Variants in PRODH2 observed in about 807,000 individuals in gnomAD.
PRODH2 encodes hydroxyproline dehydrogenase.
PRODH2 carries 49 observed loss-of-function variants against 51.9 expected under a neutral mutation model. The ratio of observed to expected loss-of-function variants is 0.94; its 90% CI spans 0.75 to 1.20. The LOEUF (loss-of-function observed/expected upper bound fraction) is 1.20, where lower values mean the gene tolerates loss of function less well. Ranked by LOEUF, PRODH2 falls within the 50% of genes most tolerant of loss-of-function variation. The pLI, the probability that PRODH2 is intolerant of heterozygous loss-of-function variation, is 0.00. For missense variants in PRODH2, 597 were observed against 610.9 expected, an observed-to-expected ratio of 0.98 and a Z score of 0.24; for synonymous variants, 249 against 260.7, an observed-to-expected ratio of 0.96 and a Z score of 0.43.
At chr19:35,807,319 T>C (rs574975966) in intron 4 of PRODH2, among the ~76,000 whole-genome samples, 198 bp from the exon 5 acceptor site, 46 of 152,302 alleles carry the variant, frequency 3.0e-4, no homozygotes, top group African/African-American at 1.1e-3. Flanking sequence ...TGTTTGTTTT[T>C]TGAAACAGAG....
At position 35,806,508 on chromosome 19, in the gene PRODH2, A is replaced by C; in HGVS notation, c.923T>G (p.Leu308Arg). 1.2e-6 allele frequency: 2 copies of C among 1,614,108 alleles called. No homozygotes were observed. Among genetic ancestry groups the C allele is most frequent in the Non-Finnish European group, 1.7e-6 (2 of 1,180,010 alleles). ...FGVKLVRGAY[L>R]DKERAVAQLH... ...CTGGGCCACCGCTCTCTCCTTGTCC[A>C]GATATGCACCTCGTACCAGCTTCAC... is the stretch of plus-strand genomic sequence containing the variant. The change falls in exon 7 of 10, where the codon CTG becomes CGG. Residue 308 changes from leucine (L) to arginine (R), a missense_variant. Physicochemically the swap from Leu to Arg is moderately radical, Grantham distance 102. Transcript: ENST00000653904.
chr19:35,810,767 C>T (rs543322596), intron 4 of PRODH2, among the ~76,000 whole-genome samples: 5 of 152,078 alleles, frequency 3.3e-5, no homozygotes, highest in East Asian at 1.9e-4. Flanking sequence ...GTAATCCATC[C>T]GCCTCAGCCT....
chr19:35,806,901 G>C (rs757061937), intron 5 of PRODH2, 71 bp from the exon 6 acceptor site: 2 of 1,550,858 alleles, frequency 1.3e-6, no homozygotes, highest in Non-Finnish European at 1.7e-6. Context: ...ATCCCAGCAG[G>C]AGGGGTTACC....
chr19:35,812,486 C>G lies in PRODH2; in HGVS notation c.245G>C (p.Gly82Ala), dbSNP rs779161688. 6.2e-7 allele frequency: 1 copy of G among 1,614,248 alleles called. No homozygotes were observed. The highest frequency in any genetic ancestry group is 1.1e-5 in the South Asian group (1 of 91,092). The change falls in exon 2 of 10, where the codon GGG becomes GCG. Residue 82 changes from glycine (G) to alanine (A), a missense_variant. Coordinates refer to ENST00000653904, the MANE Select transcript of PRODH2 (RefSeq NM_021232.2). Reference protein sequence around the residue: ...SGAFLRASVYGQFVAGETAEE... With the variant: ...SGAFLRASVYAQFVAGETAEE... ...TGCTGTCTCACCAGCCACAAACTGC[C>G]CATAGACGGATGCTCGGAGAAATGC... is the stretch of plus-strand genomic sequence containing the variant.
In PRODH2 at chr19:35,812,573, G is replaced by A. The variant is rs374218009; in HGVS notation, c.175-17C>T. The A allele has an allele frequency of 2.0e-5, 33 of 1,611,598 alleles. No homozygotes were observed. Among genetic ancestry groups the A allele is most frequent in the Non-Finnish European group, 2.2e-5 (26 of 1,178,504 alleles). On this transcript the variant is annotated splice_polypyrimidine_tract_variant and intron_variant, in intron 1 of 9. Transcript: ENST00000653904. ...GGCCTGGAGCTGGGTGACAGGGAGC[G>A]AGGGCTCAGCGCCAGGCTATGAGGA...
At chr19:35,808,814 T>TCCTTC (rs35586715) in intron 4 of PRODH2, among the ~76,000 whole-genome samples, 1 of 125,968 alleles carries the variant, frequency 7.9e-6, no homozygotes. Context: ...CCTTCCTTCT[T>TCCTTC]TTTTTTTTTT....
At chr19:35,803,534 C>T (rs147840440) in intron 7 of PRODH2, among the ~76,000 whole-genome samples, 128 of 152,312 alleles carry the variant, frequency 8.4e-4, no homozygotes, top group African/African-American at 2.6e-3. Context: ...GGATTACAGG[C>T]GTGAGCCACC....
Position 35,800,041 on chromosome 19 carries a change from G to C in PRODH2, c.1380C>G (p.His460Gln), listed in dbSNP as rs1972392738. 6.2e-7 allele frequency: 1 copy of C among 1,610,348 alleles called. No homozygotes were observed. Among genetic ancestry groups the C allele is most frequent in the African/African-American group, 1.3e-5 (1 of 74,852 alleles). Reference protein sequence around the residue: ...RLLPGCRRIPH With the variant: ...RLLPGCRRIPQ The stretch of plus-strand genomic sequence containing the variant: ...CCACATGACCCCCTCAGGGGTGCTA[G>C]TGGGGTATCCTTCGGCATCCTGGCA... The change falls in exon 10 of 10, where the codon CAC (histidine) becomes CAG (glutamine). Residue 460 changes from histidine to glutamine, a missense_variant. Transcript: ENST00000653904.
In PRODH2 at chr19:35,802,178, G is replaced by A. The variant is rs1454829296; in HGVS notation, c.1198+13C>T. 12 of 1,612,586 alleles carry A rather than the reference G, an allele frequency of 7.4e-6. No individual in the cohort carries two copies. Among genetic ancestry groups the A allele is most frequent in the Non-Finnish European group, 1.0e-5 (12 of 1,178,850 alleles). On this transcript the variant is annotated intron_variant, in intron 9 of 9. Transcript: ENST00000653904. ...CCTGGGGCTTGATGGGGGTGGGGGA[G>A]CCATTCACATACCCAGTGCTAGAGA...
chr19:35,801,898 G>A (rs888379194), intron 9 of PRODH2: 24 of 376,906 alleles, frequency 6.4e-5, no homozygotes, highest in Non-Finnish European at 9.7e-5. Context: ...AAGTGATTTC[G>A]TTCTGCTTAG....
Position 35,806,671 on chromosome 19 carries a change from A to C in PRODH2, c.834+4T>G, listed in dbSNP as rs752436705. 1 of 1,613,960 alleles carries C rather than the reference A, an allele frequency of 6.2e-7. No individual in the cohort carries two copies. Among genetic ancestry groups the C allele is most frequent in the East Asian group, 2.2e-5 (1 of 44,878 alleles). On this transcript the variant is annotated splice_donor_region_variant and intron_variant, in intron 6 of 9. Transcript: ENST00000653904. ...GCCTGTACCTCCTGGAACACACTGC[A>C]CACCTTTAGACAGGCCTGGTAGGTG...
In PRODH2 at chr19:35,800,075, C is replaced by G. The variant is rs3761097; in HGVS notation, c.1346G>C (p.Arg449Pro). ...EQELLSQELW[R>P]RLLPGCRRIP... is the part of the protein sequence containing the mutation. ...CCTTCGGCATCCTGGCAGCAGCCGCCGCCACAGTTCTTGGCTGAGCAGCTC... is the reference window on the plus strand; with the variant it reads ...CCTTCGGCATCCTGGCAGCAGCCGCGGCCACAGTTCTTGGCTGAGCAGCTC... Residue 449 changes from arginine (R) to proline (P), a missense_variant, in exon 10 of 10, where the codon CGG becomes CCG. Coordinates refer to ENST00000653904, the MANE Select transcript of PRODH2 (RefSeq NM_021232.2). 13 of 1,611,996 alleles carry G rather than the reference C, an allele frequency of 8.1e-6. No individual in the cohort carries two copies. The highest frequency in any genetic ancestry group is 1.1e-5 in the Non-Finnish European group (13 of 1,179,260).
At chr19:35,807,220 G>C in intron 4 of PRODH2, 99 bp from the exon 5 acceptor site, 1 of 1,155,544 alleles carries the variant, frequency 8.7e-7, no homozygotes, top group Non-Finnish European at 1.2e-6. Flanking sequence ...GGGGTTATGA[G>C]CCTAGAATCA....
Position 35,812,644 on chromosome 19 carries a change from A to T in PRODH2, c.162T>A (p.Thr54=), listed in dbSNP as rs2146791778. Reference sequence around the variant, plus strand: ...GATCACTGCTCACCAACAGCCCGTGAGTGACGAGTGGGGGCCAGGCACACA... The same window carrying T: ...GATCACTGCTCACCAACAGCCCGTGTGTGACGAGTGGGGGCCAGGCACACA... ...LRLCAWPPLV[T]HGLLLQAWSR... The change falls in exon 1 of 10, where the codon ACT becomes ACA. Residue 54 remains threonine, a synonymous_variant. Transcript: ENST00000653904. 6.3e-7 allele frequency: 1 copy of T among 1,593,284 alleles called. No homozygotes were observed. The highest frequency in any genetic ancestry group is 1.3e-5 in the African/African-American group (1 of 74,736).
In PRODH2 at chr19:35,811,902, G is replaced by T. The variant is rs150035706; in HGVS notation, c.597+60C>A. The T allele has an allele frequency of 3.0e-4, 460 of 1,518,462 alleles. 5 individuals are homozygous for T. In the East Asian group the frequency reaches 9.9e-3, roughly 33 times the overall value. 94.1% of individuals were successfully genotyped at this position (1,518,462 alleles called of 1,614,324 possible). A position where few individuals can be genotyped will look rare whatever the true frequency, so the allele number is the denominator to read the frequency against. On this transcript the variant is annotated intron_variant, in intron 4 of 9. Transcript: ENST00000653904. ...TAGCATTTTGAACATCTGGCGTGCG[G>T]TGTGGCCGCATCTAAGTCCAAGGCA...
At chr19:35,807,432 A>G (rs1972531981) in intron 4 of PRODH2, among the ~76,000 whole-genome samples, 1 of 152,026 alleles carries the variant, frequency 6.6e-6, no homozygotes, top group Non-Finnish European at 1.5e-5. Flanking sequence ...CCTCCCGAGT[A>G]GCTGGGATTA....
At chr19:35,803,833 A>G (rs1402504427) in intron 7 of PRODH2, among the ~76,000 whole-genome samples, 1 of 152,206 alleles carries the variant, frequency 6.6e-6, no homozygotes, top group African/African-American at 2.4e-5. Flanking sequence ...AGGAAGGAAG[A>G]CACTGTCTGG....
At position 35,806,604 on chromosome 19, in the gene PRODH2, G is replaced by T; in HGVS notation, c.835-8C>A. 6.2e-7 allele frequency: 1 copy of T among 1,614,124 alleles called. No individual in the cohort carries two copies. Among genetic ancestry groups the T allele is most frequent in the Non-Finnish European group, 8.5e-7 (1 of 1,180,022 alleles). On this transcript the variant is annotated splice_region_variant and splice_polypyrimidine_tract_variant and intron_variant, in intron 6 of 9. Transcript: ENST00000653904. ...CAGCCGCTCGAATGTGTCCTATAGG[G>T]CACGCAGGCAGGTTCTGGTAGGTCA...
At chr19:35,809,914 G>T (rs1202712995) in intron 4 of PRODH2, among the ~76,000 whole-genome samples, 2 of 117,170 alleles carry the variant, frequency 1.7e-5, no homozygotes, top group African/African-American at 3.3e-5. Flanking sequence ...AGCCGAGATC[G>T]CACCACTGCA....
Sources: gnomAD v4.1 joint callset for allele counts (sites outside exome capture counted in the v4.1 genomes callset) on GRCh38, gnomAD v4.1.1 for gene constraint, MANE v1.5 for transcripts, NCBI Gene and HGNC (gene_info 2026-07-23, HGNC 2026-07-21) for gene names.